Variants in THADA observed in about 807,000 individuals in gnomAD.
The protein encoded by THADA is THADA armadillo repeat containing, also known as tRNA (32-2'-O)-methyltransferase regulator THADA.
THADA carries 213 observed loss-of-function variants against 219.8 expected under a neutral mutation model. That is an observed-to-expected ratio of 0.97 (90% CI 0.87 to 1.09). The LOEUF (loss-of-function observed/expected upper bound fraction) is 1.09. Among genes scored for constraint, THADA ranks in the 50% least tolerant of loss-of-function variants. The pLI, the probability that THADA is intolerant of heterozygous loss-of-function variation, is 0.00. For missense variants in THADA, 2,956 were observed against 2,311.3 expected, an observed-to-expected ratio of 1.28 and a Z score of -5.72; for synonymous variants, 1,018 against 828.9, an observed-to-expected ratio of 1.23 and a Z score of -3.92.
At chr2:43,503,777 T>A (rs1296208814) in intron 24 of THADA, among the ~76,000 whole-genome samples, 1 of 152,108 alleles carries the variant, frequency 6.6e-6, no homozygotes, top group African/African-American at 2.4e-5. Flanking sequence ...AATTTTTAAA[T>A]CTCACCAATT....
intron 21 of THADA, among the ~76,000 whole-genome samples, chr2:43,539,434 G>T (rs972947338): frequency 1.3e-5 from 2 of 152,194 alleles, no homozygotes; most frequent in East Asian, 1.9e-4. Context: ...ATGTTTAAAA[G>T]CAGGAATTCT....
intron 16 of THADA, among the ~76,000 whole-genome samples, chr2:43,557,426 C>CT (rs1697507362): frequency 6.6e-6 from 1 of 152,216 alleles, no homozygotes. Flanking sequence ...TCCCTTCCTC[C>CT]TTCCTATACA....
chr2:43,420,468 T>C (rs192622029), intron 28 of THADA, among the ~76,000 whole-genome samples: 2 of 152,328 alleles, frequency 1.3e-5, no homozygotes, highest in East Asian at 3.9e-4. Flanking sequence ...ATGGCAGCAA[T>C]AGGCCATAGA....
chr2:43,393,047 G>C (rs1023015314), intron 29 of THADA, among the ~76,000 whole-genome samples: 4 of 152,138 alleles, frequency 2.6e-5, no homozygotes, highest in African/African-American at 7.2e-5. Flanking sequence ...GGCAACTATG[G>C]ACTTGGCTAT....
In THADA at chr2:43,577,074, C is replaced by A. The variant is rs1699931299; in HGVS notation, c.985G>T (p.Gly329Trp). ...DWQNGSMGRS[G>W]EALLLDTAHV... ...GCAGTATCCAAGAGCAGGGCCTCCC[C>A]ACTCCGACCCATGCTTCCGTTCTGC... The change falls in exon 10 of 38, where the codon GGG becomes TGG. Residue 329 changes from glycine to tryptophan, a missense_variant. Transcript: ENST00000405975. 1.2e-6 allele frequency: 2 copies of A among 1,613,572 alleles called. No individual in the cohort carries two copies. Among genetic ancestry groups the A allele is most frequent in the Admixed American group, 1.7e-5 (1 of 59,954 alleles).
intron 15 of THADA, chr2:43,566,208 G>C (rs1558984248): frequency 2.3e-6 from 1 of 431,014 alleles, no homozygotes; most frequent in Non-Finnish European, 4.1e-6. Flanking sequence ...AAAACAAAGG[G>C]TATTATTAAA....
At chr2:43,326,340 C>T (rs1679333657) in intron 30 of THADA, among the ~76,000 whole-genome samples, 1 of 151,988 alleles carries the variant, frequency 6.6e-6, no homozygotes, top group African/African-American at 2.4e-5. Context: ...GGAGGTAGAC[C>T]TGGGCAAAGT....
At chr2:43,493,543 C>T (rs978578818) in intron 25 of THADA, among the ~76,000 whole-genome samples, 17 of 152,074 alleles carry the variant, frequency 1.1e-4, no homozygotes, top group Admixed American at 6.6e-5. Flanking sequence ...AAGTGGCATA[C>T]TCAGTGGAGT....
At position 43,541,412 on chromosome 2, in the gene THADA, G is replaced by C. The variant is rs893854229; in HGVS notation, c.3107-96C>G. ...TTCATAATTTCCCCAAGAATAATCTGCTTGAACAAACCCGATTTGTCATGT... is the reference window on the plus strand; with the variant it reads ...TTCATAATTTCCCCAAGAATAATCTCCTTGAACAAACCCGATTTGTCATGT... On this transcript the variant is annotated intron_variant, in intron 20 of 37. Coordinates refer to ENST00000405975, the MANE Select transcript of THADA (RefSeq NM_022065.5). 6.4e-6 allele frequency: 9 copies of C among 1,402,772 alleles called. No individual in the cohort carries two copies. The African/African-American group carries it at 7.3e-5, about 11-fold the overall frequency. 86.9% of individuals were successfully genotyped at this position (1,402,772 alleles called of 1,614,324 possible). A position where few individuals can be genotyped will look rare whatever the true frequency, so the allele number is the denominator to read the frequency against.
rs533866799 is a variant in THADA at position 43,310,234 on chromosome 2, C to G, written c.4438+10212G>C. Among the ~76,000 whole-genome samples the G allele has an allele frequency of 1.9e-3, 242 of 129,292 alleles. 9 individuals carry two copies. The highest frequency in any genetic ancestry group is 6.0e-3 in the African/African-American group (210 of 34,976). The allele number at this position is 129,292 out of a possible 152,430, so 84.8% of individuals were successfully genotyped here. On this transcript the variant is annotated intron_variant, in intron 31 of 37. Transcript: ENST00000405975. ...CCCTCCCTCCCTTTCCCGCCCCCCC[C>G]CCAAACAAGCTGATCCTAAAATTCA...
chr2:43,358,358 T>G (rs997716110), intron 29 of THADA, among the ~76,000 whole-genome samples: 3 of 151,946 alleles, frequency 2.0e-5, no homozygotes, highest in African/African-American at 7.2e-5. Flanking sequence ...ATAAGAAACT[T>G]TGACATTCCC....
chr2:43,497,580 T>C (rs911023271), intron 25 of THADA, among the ~76,000 whole-genome samples: 7 of 152,144 alleles, frequency 4.6e-5, no homozygotes, highest in African/African-American at 1.2e-4. Flanking sequence ...AGCTAATGCA[T>C]GCCGGGCTTA....
At position 43,319,615 on chromosome 2, in the gene THADA, G is replaced by A. The variant is rs13415021; in HGVS notation, c.4438+831C>T. ...CATTGACAGCCTGAATGTATTTACC[G>A]AAGACAACAAATCATTGACAGACTA... On this transcript the variant is annotated intron_variant, in intron 31 of 37. Transcript: ENST00000405975. Among the ~76,000 whole-genome samples, 811 of 152,248 alleles carry A rather than the reference G, an allele frequency of 5.3e-3. 10 individuals are homozygous for A. Among genetic ancestry groups the A allele is most frequent in the African/African-American group, 0.019 (778 of 41,528 alleles).
At chr2:43,590,796 AC>A in intron 4 of THADA, 27 bp downstream of exon 4, 1 of 1,604,754 alleles carries the variant, frequency 6.2e-7, no homozygotes, top group African/African-American at 1.4e-5. Flanking sequence ...CATTTATAAC[AC>A]CCAACTTCCC....
chr2:43,455,704 T>G (rs1041736167), intron 26 of THADA, among the ~76,000 whole-genome samples: 1 of 152,212 alleles, frequency 6.6e-6, no homozygotes, highest in Admixed American at 6.5e-5. Context: ...ATGCAAAGGA[T>G]AGGTTAGGTT....
At chr2:43,564,977 C>G (rs756045397) in intron 15 of THADA, 6 of 152,062 alleles carry the variant, frequency 3.9e-5, no homozygotes, top group Admixed American at 2.0e-4. Flanking sequence ...GCTTTTTGTT[C>G]TATAATATAA....
chr2:43,271,745 G>T (rs1672146950), intron 36 of THADA, among the ~76,000 whole-genome samples: 1 of 151,582 alleles, frequency 6.6e-6, no homozygotes, highest in Admixed American at 6.6e-5. Context: ...CTCCCGAGTA[G>T]CTGGGATTAC....
At chr2:43,440,398 T>C (rs1187431644) in intron 26 of THADA, among the ~76,000 whole-genome samples, 1 of 152,230 alleles carries the variant, frequency 6.6e-6, no homozygotes, top group Non-Finnish European at 1.5e-5. Context: ...TATATGTACA[T>C]TTCCTTGTTA....
At chr2:43,551,961 G>A in intron 18 of THADA, 36 bp from the exon 19 acceptor site, 2 of 1,579,458 alleles carry the variant, frequency 1.3e-6, no homozygotes, top group Middle Eastern at 1.7e-4. Flanking sequence ...TATACTAAAA[G>A]CAAAAATCAC....
Sources: allele counts gnomAD v4.1 joint callset (sites outside exome capture counted in the v4.1 genomes callset), GRCh38; gene constraint gnomAD v4.1.1; transcripts MANE v1.5; gene names NCBI Gene and HGNC (gene_info 2026-07-23, HGNC 2026-07-21).